The following CLSTN2 variants were observed in gnomAD, a reference collection of about 807,000 sequenced individuals.
The protein encoded by CLSTN2 is calsyntenin 2.
Under a neutral mutation model 101.2 loss-of-function variants are expected in CLSTN2, and 48 were observed. The ratio of observed to expected loss-of-function variants is 0.47; its 90% confidence interval spans 0.38 to 0.60. The LOEUF is 0.60. Ranked by LOEUF, CLSTN2 falls within the 20% of genes least tolerant of loss-of-function variation. The probability of loss-of-function intolerance (pLI) is 0.00; values close to 1 mark genes in which losing one functional copy is unlikely to be tolerated. For synonymous variants in CLSTN2, 481 were observed against 463.6 expected (o/e 1.04, Z -0.48); for missense variants, 1,160 against 1,238.2 (o/e 0.94, Z 0.95).
chr3:139,975,265 C>T (rs984535629), intron 1 of CLSTN2, among the ~76,000 whole-genome samples: 3 of 152,010 alleles, frequency 2.0e-5, no homozygotes, highest in African/African-American at 7.2e-5. Context: ...CAAGATAGCA[C>T]CTTGGGCAAA....
chr3:140,189,246 C>A (rs1298319904), intron 2 of CLSTN2, among the ~76,000 whole-genome samples: 1 of 152,076 alleles, frequency 6.6e-6, no homozygotes, highest in African/African-American at 2.4e-5. Context: ...GAACATAAGT[C>A]TTTATTTTTC....
At chr3:140,156,122 G>A (rs563394670) in intron 1 of CLSTN2, among the ~76,000 whole-genome samples, 1 of 152,114 alleles carries the variant, frequency 6.6e-6, no homozygotes, top group Non-Finnish European at 1.5e-5. Flanking sequence ...TCCTAGGACA[G>A]GGATAGCAAA....
At chr3:140,380,291 G>A (rs967796701) in intron 2 of CLSTN2, among the ~76,000 whole-genome samples, 1 of 152,142 alleles carries the variant, frequency 6.6e-6, no homozygotes, top group Non-Finnish European at 1.5e-5. Context: ...CTGGTGGAAG[G>A]GGAGGCAGGG....
intron 1 of CLSTN2, among the ~76,000 whole-genome samples, chr3:140,152,225 A>G (rs2009879705): frequency 6.6e-6 from 1 of 152,174 alleles, no homozygotes; most frequent in Non-Finnish European, 1.5e-5. Context: ...TTCCAGGCAG[A>G]GCCACCCCTT....
intron 1 of CLSTN2, among the ~76,000 whole-genome samples, chr3:140,078,787 T>A (rs1005349833): frequency 6.6e-6 from 1 of 152,214 alleles, no homozygotes; most frequent in Admixed American, 6.5e-5. Flanking sequence ...ATTGAACTGG[T>A]TTTGAACTTG....
intron 1 of CLSTN2, among the ~76,000 whole-genome samples, chr3:140,169,780 G>A (rs919198618): frequency 3.3e-5 from 5 of 151,974 alleles, no homozygotes; most frequent in African/African-American, 9.7e-5. Flanking sequence ...GATGAAGCTG[G>A]GTAGAACATT....
intron 2 of CLSTN2, among the ~76,000 whole-genome samples, chr3:140,289,720 G>A (rs1418554892): frequency 6.6e-6 from 1 of 152,102 alleles, no homozygotes; most frequent in Non-Finnish European, 1.5e-5. Context: ...ACATCTGTAT[G>A]AGGGCTCAGA....
At chr3:139,978,706 T>C (rs994531020) in intron 1 of CLSTN2, among the ~76,000 whole-genome samples, 5 of 137,762 alleles carry the variant, frequency 3.6e-5, no homozygotes, top group African/African-American at 5.5e-5. Flanking sequence ...GTGTGTGTTG[T>C]GTGGAAGGGA....
At chr3:139,952,402 C>T (rs533694072) in intron 1 of CLSTN2, among the ~76,000 whole-genome samples, 2 of 152,278 alleles carry the variant, frequency 1.3e-5, no homozygotes, top group Admixed American at 1.3e-4. Flanking sequence ...TGTCCTCATG[C>T]CCACTCTTCT....
At chr3:140,119,882 A>G (rs983053648) in intron 1 of CLSTN2, among the ~76,000 whole-genome samples, 1 of 152,038 alleles carries the variant, frequency 6.6e-6, no homozygotes, top group South Asian at 2.1e-4. Flanking sequence ...TTCAGCTGCC[A>G]CTTAGGTGCC....
chr3:140,116,176 A>G (rs576641377), intron 1 of CLSTN2, among the ~76,000 whole-genome samples: 3 of 152,284 alleles, frequency 2.0e-5, no homozygotes, highest in Admixed American at 6.5e-5. Context: ...TGCCTCATCT[A>G]CAAATCTCCT....
At chr3:140,196,545 C>T (rs868472680) in intron 2 of CLSTN2, among the ~76,000 whole-genome samples, 9 of 152,216 alleles carry the variant, frequency 5.9e-5, no homozygotes, top group Non-Finnish European at 1.3e-4. Flanking sequence ...AGCACACATT[C>T]CTTTGACCCT....
intron 1 of CLSTN2, among the ~76,000 whole-genome samples, chr3:140,067,713 G>T (rs1029801954): frequency 3.3e-5 from 5 of 152,152 alleles, no homozygotes; most frequent in African/African-American, 1.2e-4. Context: ...CCCTGTGAGT[G>T]GTCATTTTAG....
intron 5 of CLSTN2, among the ~76,000 whole-genome samples, chr3:140,444,910 A>AAAGCCTGAACT (rs2108006463): frequency 6.6e-6 from 1 of 152,338 alleles, no homozygotes; most frequent in Admixed American, 6.5e-5. Context: ...TTCTTGTGGT[A>AAAGCCTGAACT]AAGCCTGAAC....
At chr3:140,260,945 G>C (rs553520323) in intron 2 of CLSTN2, among the ~76,000 whole-genome samples, 10 of 152,158 alleles carry the variant, frequency 6.6e-5, no homozygotes, top group Admixed American at 1.3e-4. Context: ...TGGGTTATGA[G>C]AGTAAAACCA....
At chr3:140,205,290 T>A (rs1463298241) in intron 2 of CLSTN2, among the ~76,000 whole-genome samples, 1 of 152,164 alleles carries the variant, frequency 6.6e-6, no homozygotes, top group Non-Finnish European at 1.5e-5. Flanking sequence ...TGAGCTCTCA[T>A]GGAGTCCTTA....
At chr3:140,178,428 C>G (rs1002557363) in intron 2 of CLSTN2, among the ~76,000 whole-genome samples, 1 of 152,144 alleles carries the variant, frequency 6.6e-6, no homozygotes, top group African/African-American at 2.4e-5. Context: ...TTAGATGCAC[C>G]CACAACTGTT....
chr3:140,373,777 A>T (rs1030866969), intron 2 of CLSTN2, among the ~76,000 whole-genome samples: 11 of 152,176 alleles, frequency 7.2e-5, no homozygotes, highest in African/African-American at 2.7e-4. Context: ...TTGGAGAGCA[A>T]GGTGAAGCCT....
At chr3:140,369,465 A>G (rs2087826956) in intron 2 of CLSTN2, among the ~76,000 whole-genome samples, 1 of 152,242 alleles carries the variant, frequency 6.6e-6, no homozygotes, top group South Asian at 2.1e-4. Flanking sequence ...ACTTACTGTG[A>G]TGATTTATCA....
Sources: gnomAD v4.1 joint callset for allele counts (sites outside exome capture counted in the v4.1 genomes callset) on GRCh38, gnomAD v4.1.1 for gene constraint, MANE v1.5 for transcripts, NCBI Gene and HGNC (gene_info 2026-07-23, HGNC 2026-07-21) for gene names.